DST: variants seen among roughly 807,000 people sequenced by gnomAD.
DST encodes the protein bullous pemphigoid antigen.
In DST, 253 loss-of-function variants were observed where a neutral mutation model predicts 875.2. That is an observed-to-expected ratio of 0.29 (90% CI 0.26 to 0.32). DST has a LOEUF of 0.32. DST is among the 10% of genes least tolerant of loss of function. The pLI is 1.00. For missense variants in DST, 8,287 were observed against 9,111.6 expected, an observed-to-expected ratio of 0.91 and a Z score of 3.68; for synonymous variants, 3,124 against 3,197.1, an observed-to-expected ratio of 0.98 and a Z score of 0.77.
intron 90 of DST, among the ~76,000 whole-genome samples, chr6:56,481,635 C>T (rs1034399410): frequency 4.6e-5 from 7 of 152,144 alleles, no homozygotes. Context: ...GTCTTGTTTA[C>T]AAAGGGCAAA....
chr6:56,561,524 C>A lies in DST; in HGVS notation c.14094G>T (p.Met4698Ile), dbSNP rs184352375. 5.5e-5 allele frequency: 89 copies of A among 1,613,264 alleles called. No individual in the cohort carries two copies. The East Asian group carries it at 1.9e-3, about 35-fold the overall frequency. Residue 4698 changes from methionine (M) to isoleucine (I), a missense_variant, in exon 57 of 104, where the codon ATG becomes ATT. Physicochemically the swap from Met to Ile is conservative, Grantham distance 10. Around this residue, in one of 10 missense-constraint regions of DST, gnomAD observed 1,513 missense variants for 1,677.8 expected, o/e 0.90. Coordinates refer to ENST00000680361, the MANE Select transcript of DST (RefSeq NM_001374736.1). ...CTTCATAACCATGACTTATGTCAGT[C>A]ATGTCCTTTTTAATGGATGTTAAAC... Reference protein sequence around the residue: ...NKGLTSIKKDMTDISHGYEDL... With the variant: ...NKGLTSIKKDITDISHGYEDL...
chr6:56,767,345 G>A (rs1336060939), intron 4 of DST, among the ~76,000 whole-genome samples: 3 of 152,294 alleles, frequency 2.0e-5, no homozygotes, highest in African/African-American at 2.4e-5. Context: ...GGCAGGGAGT[G>A]ATGGCTTACA....
In DST at chr6:56,497,892, T is replaced by C; in HGVS notation, c.20058A>G (p.Glu6686=). The C allele has an allele frequency of 6.2e-7, 1 of 1,613,028 alleles. No homozygotes were observed. Among genetic ancestry groups the C allele is most frequent in the Non-Finnish European group, 8.5e-7 (1 of 1,179,408 alleles). The change falls in exon 81 of 104, where the codon GAA becomes GAG. Residue 6686 remains glutamate (E), a synonymous_variant. Coordinates refer to ENST00000680361, the MANE Select transcript of DST (RefSeq NM_001374736.1). Reference sequence around the variant, plus strand: ...CACCATCCAGCTGCTGCTTCCTTTGTTCTGTTTTTTCCAAAACATTTTGCC... The same window carrying C: ...CACCATCCAGCTGCTGCTTCCTTTGCTCTGTTTTTTCCAAAACATTTTGCC... The part of the protein sequence containing the change: ...QRWQNVLEKT[E]QRKQQLDGAL...
Position 56,514,298 on chromosome 6 carries a change from T to C in DST, c.18576+1152A>G, listed in dbSNP as rs147541925. Among the ~76,000 whole-genome samples the C allele has an allele frequency of 6.4e-3, 978 of 152,292 alleles. 6 individuals are homozygous for C. The highest frequency in any genetic ancestry group is 0.023 in the African/African-American group (942 of 41,554). ...CCACAAATAAATCTTTATACAAAAA[T>C]TGAATTCTACATACTTGTCTTTCTC... On this transcript the variant is annotated intron_variant, in intron 72 of 103. Transcript: ENST00000680361.
At chr6:56,580,511 T>C (rs991874555) in intron 49 of DST, among the ~76,000 whole-genome samples, 1 of 151,978 alleles carries the variant, frequency 6.6e-6, no homozygotes. Context: ...ATCATGCTAC[T>C]GTTAATTCCA....
chr6:56,512,471 T>C (rs553433947), intron 72 of DST, among the ~76,000 whole-genome samples: 85 of 152,318 alleles, frequency 5.6e-4, no homozygotes, highest in Non-Finnish European at 9.4e-4. Context: ...GAGGGGTCTT[T>C]CATTTGCACC....
At chr6:56,486,232 G>A (rs545275065) in intron 87 of DST, among the ~76,000 whole-genome samples, 8 of 151,742 alleles carry the variant, frequency 5.3e-5, no homozygotes, top group Admixed American at 1.3e-4. Context: ...GCGTAGTGGC[G>A]GACGCCTGTG....
At chr6:56,738,703 C>G (rs34086321) in intron 4 of DST, among the ~76,000 whole-genome samples, 1 of 151,898 alleles carries the variant, frequency 6.6e-6, no homozygotes, top group African/African-American at 2.4e-5. Flanking sequence ...CTTACTGCAA[C>G]CTCCACGTCC....
intron 4 of DST, among the ~76,000 whole-genome samples, chr6:56,847,116 G>C (rs773864657): frequency 2.6e-5 from 4 of 151,462 alleles, no homozygotes; most frequent in African/African-American, 9.7e-5. Flanking sequence ...CCAGGAGTTC[G>C]AGTCCAGCCT....
intron 49 of DST, among the ~76,000 whole-genome samples, chr6:56,585,824 C>T (rs2098135067): frequency 6.6e-6 from 1 of 152,026 alleles, no homozygotes; most frequent in African/African-American, 2.4e-5. Flanking sequence ...CAAAGAACAT[C>T]TTTATTTCTG....
At chr6:56,588,996 A>G (rs1354964686) in intron 49 of DST, among the ~76,000 whole-genome samples, 1 of 152,240 alleles carries the variant, frequency 6.6e-6, no homozygotes, top group African/African-American at 2.4e-5. Context: ...CCACAGGGAC[A>G]GTTTATTCAT....
chr6:56,544,650 A>G (rs116327279), intron 61 of DST, among the ~76,000 whole-genome samples: 4,610 of 149,830 alleles, frequency 0.031, 87 homozygotes, highest in Non-Finnish European at 0.043. Context: ...TGGCCATGAC[A>G]CAGTTCGGAA....
chr6:56,698,435 C>T (rs2099275955), intron 9 of DST, among the ~76,000 whole-genome samples: 1 of 152,048 alleles, frequency 6.6e-6, no homozygotes, highest in African/African-American at 2.4e-5. Flanking sequence ...AAGCGATTCT[C>T]CCACCTCAGC....
chr6:56,921,812 G>A (rs1315810074), intron 2 of DST, among the ~76,000 whole-genome samples: 3 of 151,862 alleles, frequency 2.0e-5, no homozygotes, highest in Non-Finnish European at 4.4e-5. Flanking sequence ...TTGTTATTTC[G>A]TATATTTATC....
intron 4 of DST, among the ~76,000 whole-genome samples, chr6:56,848,982 T>C (rs144343588): frequency 2.6e-5 from 4 of 151,838 alleles, no homozygotes; most frequent in Admixed American, 1.3e-4. Context: ...GAGGTTGCAG[T>C]GAGCCAAGAT....
chr6:56,605,199 T>C lies in DST; in HGVS notation c.9429A>G (p.Thr3143=), dbSNP rs2098483549. 2 of 1,611,958 alleles carry C rather than the reference T, an allele frequency of 1.2e-6. No homozygotes were observed. The highest frequency in any genetic ancestry group is 1.7e-6 in the Non-Finnish European group (2 of 1,178,864). Reference sequence around the variant, plus strand: ...CATCACTAATCTCTTTGGAAACTGATGTGTCAAAAATTTCTTCAAGATTCT... The same window carrying C: ...CATCACTAATCTCTTTGGAAACTGACGTGTCAAAAATTTCTTCAAGATTCT... ...QFENLEEIFD[T]SVSKEISDDI... Residue 3143 remains threonine (T), a synonymous_variant, in exon 40 of 104, where the codon ACA becomes ACG. Transcript: ENST00000680361.
At chr6:56,768,794 G>A (rs1255382296) in intron 4 of DST, among the ~76,000 whole-genome samples, 1 of 152,148 alleles carries the variant, frequency 6.6e-6, no homozygotes, top group Non-Finnish European at 1.5e-5. Context: ...ATCATGGCTG[G>A]GCACGGTGGC....
intron 4 of DST, among the ~76,000 whole-genome samples, chr6:56,769,013 C>T (rs892023017): frequency 5.3e-5 from 8 of 152,012 alleles, no homozygotes; most frequent in African/African-American, 1.9e-4. Context: ...GAGACTCCAT[C>T]GCAATATACA....
Position 56,866,455 on chromosome 6 carries a change from T to C in DST, c.418-14851A>G, listed in dbSNP as rs75885160. Among the ~76,000 whole-genome samples, 541 of 152,334 alleles carry C rather than the reference T, an allele frequency of 3.6e-3. 2 individuals are homozygous for C. The highest frequency in any genetic ancestry group is 0.013 in the African/African-American group (525 of 41,568). On this transcript the variant is annotated intron_variant, in intron 3 of 103. Coordinates refer to ENST00000680361, the MANE Select transcript of DST (RefSeq NM_001374736.1). ...CTTCAAAGACCTAAGTCAGAGTACATCATGCCTGTGCTCAAAACCCTCCTG... is the reference window on the plus strand; with the variant it reads ...CTTCAAAGACCTAAGTCAGAGTACACCATGCCTGTGCTCAAAACCCTCCTG...
Sources: allele counts gnomAD v4.1 joint callset (sites outside exome capture counted in the v4.1 genomes callset), GRCh38; gene constraint gnomAD v4.1.1; regional missense constraint gnomAD v4.1.1; transcripts MANE v1.5; gene names NCBI Gene and HGNC (gene_info 2026-07-23, HGNC 2026-07-21).